ATRNL1: variants seen among roughly 807,000 people sequenced by gnomAD.
ATRNL1 encodes attractin-like protein 1.
Under a neutral mutation model 182.7 loss-of-function variants are expected in ATRNL1, and 95 were observed. That is an observed-to-expected ratio of 0.52 (90% CI 0.44 to 0.62). The LOEUF is 0.62. Ranked by LOEUF, ATRNL1 falls within the 20% of genes least tolerant of loss-of-function variation. The pLI is 0.00. For missense variants in ATRNL1, 1,471 were observed against 1,679.5 expected, an observed-to-expected ratio of 0.88 and a Z score of 2.17; for synonymous variants, 576 against 568.3, an observed-to-expected ratio of 1.01 and a Z score of -0.19.
At chr10:115,123,836 A>G (rs1554872482) in intron 3 of ATRNL1, among the ~76,000 whole-genome samples, 4 of 151,980 alleles carry the variant, frequency 2.6e-5, no homozygotes, top group Non-Finnish European at 5.9e-5. Flanking sequence ...TTAGATTGTC[A>G]TAGGAGTACA....
intron 25 of ATRNL1, among the ~76,000 whole-genome samples, chr10:115,529,923 A>C (rs1851465234): frequency 6.6e-6 from 1 of 152,056 alleles, no homozygotes; most frequent in Non-Finnish European, 1.5e-5. Flanking sequence ...AAAAATCACT[A>C]ATCTACTTTC....
chr10:115,932,765 T>A (rs1270475967), intron 28 of ATRNL1, among the ~76,000 whole-genome samples: 1 of 152,238 alleles, frequency 6.6e-6, no homozygotes, highest in Non-Finnish European at 1.5e-5. Context: ...AATATCACTT[T>A]GAAAAATACA....
chr10:115,353,408 T>C (rs1227400983), intron 19 of ATRNL1, among the ~76,000 whole-genome samples: 2 of 152,232 alleles, frequency 1.3e-5, no homozygotes, highest in African/African-American at 4.8e-5. Flanking sequence ...TGTTTCCATT[T>C]GCATGGAATA....
At chr10:115,550,517 A>G (rs1287004130) in intron 26 of ATRNL1, among the ~76,000 whole-genome samples, 1 of 151,854 alleles carries the variant, frequency 6.6e-6, no homozygotes, top group African/African-American at 2.4e-5. Flanking sequence ...TCTATAATAT[A>G]TTTGCAAACT....
At chr10:115,870,691 G>A (rs1951558695) in intron 28 of ATRNL1, among the ~76,000 whole-genome samples, 1 of 152,096 alleles carries the variant, frequency 6.6e-6, no homozygotes. Flanking sequence ...ATCAATCAAG[G>A]TTTTATGAAA....
chr10:115,827,123 T>C (rs1489555247), intron 27 of ATRNL1, among the ~76,000 whole-genome samples: 3 of 152,202 alleles, frequency 2.0e-5, no homozygotes, highest in African/African-American at 7.2e-5. Context: ...TTGTGCTGTG[T>C]GACAGAACAT....
chr10:115,375,456 A>G (rs1857621116), intron 19 of ATRNL1, among the ~76,000 whole-genome samples: 1 of 152,040 alleles, frequency 6.6e-6, no homozygotes, highest in East Asian at 1.9e-4. Context: ...AATTTAATCC[A>G]TGTAAGTTTA....
intron 28 of ATRNL1, among the ~76,000 whole-genome samples, chr10:115,887,891 A>G (rs1275517596): frequency 1.3e-5 from 2 of 152,014 alleles, no homozygotes; most frequent in Non-Finnish European, 2.9e-5. Context: ...GATATTTTGC[A>G]GTATCTTCTG....
intron 1 of ATRNL1, among the ~76,000 whole-genome samples, chr10:115,099,177 T>C (rs928317699): frequency 2.0e-5 from 3 of 152,246 alleles, no homozygotes; most frequent in African/African-American, 7.2e-5. Flanking sequence ...TTTTTGTAAA[T>C]AGAATCATAC....
intron 27 of ATRNL1, among the ~76,000 whole-genome samples, chr10:115,796,955 A>G (rs183946325): frequency 1.4e-3 from 211 of 152,344 alleles, no homozygotes; most frequent in African/African-American, 5.0e-3. Context: ...TTCCATTTTC[A>G]TAATATAGGC....
chr10:115,120,081 T>C (rs1844660104), intron 1 of ATRNL1, 104 bp from the exon 2 acceptor site: 1 of 659,048 alleles, frequency 1.5e-6, no homozygotes, highest in Non-Finnish European at 2.6e-6. Context: ...AAAATTGTTA[T>C]GTCCCGTTCC....
chr10:115,385,615 G>A lies in ATRNL1; in HGVS notation c.3176-9044G>A, dbSNP rs371509804. Reference sequence around the variant, plus strand: ...TGATATTTTATACTTTTTGTATCACGTACGTGAAATCTTTACCTACCCCAA... The same window carrying A: ...TGATATTTTATACTTTTTGTATCACATACGTGAAATCTTTACCTACCCCAA... On this transcript the variant is annotated intron_variant, in intron 19 of 28. Coordinates refer to ENST00000355044, the MANE Select transcript of ATRNL1 (RefSeq NM_207303.4). 5.9e-5 allele frequency among the ~76,000 whole-genome samples: 9 copies of A among 151,906 alleles called. No individual in the cohort carries two copies. In the East Asian group the frequency reaches 1.4e-3, roughly 23 times the overall value.
At chr10:115,937,599 C>T (rs1405848444) in intron 28 of ATRNL1, among the ~76,000 whole-genome samples, 3 of 152,200 alleles carry the variant, frequency 2.0e-5, no homozygotes, top group African/African-American at 7.2e-5. Context: ...TAAATTAAGT[C>T]TGCACAATAG....
chr10:115,605,708 A>T (rs11814126), intron 26 of ATRNL1, among the ~76,000 whole-genome samples: 1 of 152,018 alleles, frequency 6.6e-6, no homozygotes, highest in Non-Finnish European at 1.5e-5. Context: ...TTTAGTATGC[A>T]TATACAGAAA....
At chr10:115,099,825 T>G (rs1211681547) in intron 1 of ATRNL1, among the ~76,000 whole-genome samples, 2 of 152,228 alleles carry the variant, frequency 1.3e-5, no homozygotes, top group East Asian at 1.9e-4. Context: ...ATTACTAGCT[T>G]CTTATGAGGT....
At chr10:115,387,453 T>C (rs115391250) in intron 19 of ATRNL1, among the ~76,000 whole-genome samples, 277 of 152,360 alleles carry the variant, frequency 1.8e-3, no homozygotes, top group African/African-American at 6.3e-3. Flanking sequence ...ATAATTGTTT[T>C]CTATTGAGGT....
intron 26 of ATRNL1, among the ~76,000 whole-genome samples, chr10:115,667,336 AATGTATT>A (rs1565266407): frequency 6.6e-6 from 1 of 152,166 alleles, no homozygotes; most frequent in Admixed American, 6.5e-5. Context: ...AAACAACAAT[AATGTATT>A]CATTCTCACA....
chr10:115,588,893 G>A (rs1555011233), intron 26 of ATRNL1, among the ~76,000 whole-genome samples: 1 of 152,164 alleles, frequency 6.6e-6, no homozygotes, highest in Non-Finnish European at 1.5e-5. Flanking sequence ...GGACAGAATG[G>A]TAGATATAAA....
chr10:115,285,356 T>TATA (rs1490877060), intron 14 of ATRNL1, among the ~76,000 whole-genome samples: 6 of 152,088 alleles, frequency 3.9e-5, no homozygotes, highest in Admixed American at 1.3e-4. Context: ...ACAGCTGCTT[T>TATA]AGAACAACTT....
Sources: gnomAD v4.1 joint callset for allele counts (sites outside exome capture counted in the v4.1 genomes callset) on GRCh38, gnomAD v4.1.1 for gene constraint, MANE v1.5 for transcripts, NCBI Gene and HGNC (gene_info 2026-07-23, HGNC 2026-07-21) for gene names.